The following STT3B variants were observed in gnomAD, a reference collection of about 807,000 sequenced individuals.
STT3B encodes the protein dolichyl-diphosphooligosaccharide--protein glycosyltransferase subunit STT3B.
Under a neutral mutation model 96.8 loss-of-function variants are expected in STT3B, and 29 were observed. The observed-to-expected ratio is 0.30, with a 90% CI of 0.22 to 0.41. The LOEUF is 0.41. Ranked by LOEUF, STT3B falls within the 10% of genes least tolerant of loss-of-function variation. STT3B has a pLI of 1.00. For missense variants in STT3B, 640 were observed against 1,022.3 expected (o/e 0.63, Z 5.10); for synonymous variants, 367 against 360.0 (o/e 1.02, Z -0.22).
intron 1 of STT3B, 50 bp from the exon 2 acceptor site, chr3:31,576,346 T>C: frequency 9.5e-7 from 1 of 1,054,812 alleles, no homozygotes; most frequent in Non-Finnish European, 1.4e-6. Context: ...AAGAAGGAGC[T>C]ATTTCTATTA....
intron 13 of STT3B, among the ~76,000 whole-genome samples, chr3:31,627,214 C>T (rs1012812023): frequency 3.9e-5 from 6 of 152,176 alleles, no homozygotes; most frequent in Admixed American, 2.6e-4. Flanking sequence ...CGATCATTGC[C>T]GCCTGAGCTC....
chr3:31,573,530 A>G (rs946345579), intron 1 of STT3B, among the ~76,000 whole-genome samples: 1 of 152,186 alleles, frequency 6.6e-6, no homozygotes, highest in African/African-American at 2.4e-5. Flanking sequence ...AGGATGTGAG[A>G]GAGAAGGAAC....
intron 1 of STT3B, among the ~76,000 whole-genome samples, chr3:31,540,353 A>G (rs1575403372): frequency 6.6e-6 from 1 of 152,286 alleles, no homozygotes; most frequent in East Asian, 1.9e-4. Flanking sequence ...TTAAAAGGGA[A>G]ATGTTACTGC....
chr3:31,566,968 T>C (rs1698021102), intron 1 of STT3B, among the ~76,000 whole-genome samples: 1 of 152,190 alleles, frequency 6.6e-6, no homozygotes, highest in Non-Finnish European at 1.5e-5. Flanking sequence ...CAAATCAATG[T>C]CAGATATAGA....
chr3:31,563,247 A>G (rs1697924863), intron 1 of STT3B, among the ~76,000 whole-genome samples: 1 of 152,178 alleles, frequency 6.6e-6, no homozygotes. Flanking sequence ...TATCTTCAGC[A>G]TTGATTTTTA....
At chr3:31,596,942 T>G (rs545194490) in intron 4 of STT3B, 79 bp downstream of exon 4, 1 of 1,066,176 alleles carries the variant, frequency 9.4e-7, no homozygotes, top group East Asian at 2.4e-5. Context: ...CTGAAGTCTG[T>G]AGGATTTTTA....
rs867383184 is a variant in STT3B, at chr3:31,559,100, C to T, written c.315-17296C>T. ...CTTATTGGTTTTTTTTTTTTTAAAT[C>T]TTTTCAAAAGAACCAACTTTTTGTT... On this transcript the variant is annotated intron_variant, in intron 1 of 15. Transcript: ENST00000295770. Among the ~76,000 whole-genome samples the T allele has an allele frequency of 2.5e-3, 309 of 125,810 alleles. 1 individual carries two copies. The highest frequency in any genetic ancestry group is 7.9e-3 in the African/African-American group (267 of 33,784). The allele number at this position is 125,810 out of a possible 152,430, so 82.5% of individuals were successfully genotyped here.
chr3:31,551,201 TTTTGTTTG>T (rs147580075), intron 1 of STT3B, among the ~76,000 whole-genome samples: 28 of 150,708 alleles, frequency 1.9e-4, no homozygotes, highest in African/African-American at 2.7e-4. Context: ...TTTGGGTGTT[TTTTGTTTG>T]TTTGTTTGTT....
At chr3:31,596,664 A>G (rs955689277) in intron 3 of STT3B, 134 bp from the exon 4 acceptor site, 1 of 647,168 alleles carries the variant, frequency 1.5e-6, no homozygotes, top group Non-Finnish European at 2.7e-6. Flanking sequence ...ATGTCTGCAT[A>G]TCTGAATAAC....
chr3:31,582,801 G>A (rs1301216383), intron 3 of STT3B, among the ~76,000 whole-genome samples: 2 of 151,740 alleles, frequency 1.3e-5, no homozygotes, highest in Middle Eastern at 3.4e-3. Flanking sequence ...TTGATCTGTT[G>A]GTAAGTATCT....
At chr3:31,558,714 G>T (rs1313253964) in intron 1 of STT3B, among the ~76,000 whole-genome samples, 1 of 152,074 alleles carries the variant, frequency 6.6e-6, no homozygotes, top group East Asian at 1.9e-4. Context: ...CCCTTCAGTT[G>T]TTTGGAATAG....
rs1380283260 is a variant in STT3B, at chr3:31,596,731, A to G, written c.712-67A>G. On this transcript the variant is annotated intron_variant, in intron 3 of 15. Transcript: ENST00000295770. ...TGTAGCCTGTGGTTACCAAACATTT[A>G]ACTTTTAAAAATTCCGCAAGAACAT... 10 of 1,278,122 alleles carry G rather than the reference A, an allele frequency of 7.8e-6. No individual in the cohort carries two copies. In the Middle Eastern group the frequency reaches 5.7e-4, roughly 73 times the overall value. The allele number at this position is 1,278,122 out of a possible 1,614,324, so 79.2% of individuals were successfully genotyped here. A position where few individuals can be genotyped will look rare whatever the true frequency, so the allele number is the denominator to read the frequency against.
intron 1 of STT3B, among the ~76,000 whole-genome samples, chr3:31,550,033 T>C (rs1697513211): frequency 6.6e-6 from 1 of 152,200 alleles, no homozygotes; most frequent in Non-Finnish European, 1.5e-5. Context: ...TATTTTGTTG[T>C]AATTTTTTTT....
intron 8 of STT3B, among the ~76,000 whole-genome samples, chr3:31,619,399 G>T (rs1432450785): frequency 6.6e-6 from 1 of 152,174 alleles, no homozygotes; most frequent in Admixed American, 6.5e-5. Context: ...CAAATTGCCA[G>T]TTGAACAGAG....
chr3:31,547,024 C>G (rs550886347), intron 1 of STT3B, among the ~76,000 whole-genome samples: 6 of 152,294 alleles, frequency 3.9e-5, no homozygotes, highest in South Asian at 4.1e-4. Context: ...CCTTCCCCTC[C>G]AAATAATTGA....
At chr3:31,630,567 T>C (rs1208708309) in intron 14 of STT3B, among the ~76,000 whole-genome samples, 1 of 152,242 alleles carries the variant, frequency 6.6e-6, no homozygotes, top group Non-Finnish European at 1.5e-5. Context: ...CTCTTGTTAA[T>C]CTGTCCTTTG....
At chr3:31,604,462 C>T (rs1161571972) in intron 5 of STT3B, among the ~76,000 whole-genome samples, 2 of 151,826 alleles carry the variant, frequency 1.3e-5, no homozygotes, top group African/African-American at 2.4e-5. Flanking sequence ...GAAAAGTTCC[C>T]GGATACAAGG....
chr3:31,610,677 A>G (rs997665160), intron 5 of STT3B, among the ~76,000 whole-genome samples: 5 of 152,218 alleles, frequency 3.3e-5, no homozygotes, highest in Non-Finnish European at 7.4e-5. Flanking sequence ...ACCCTTGGAT[A>G]TAAAATATTT....
chr3:31,586,215 C>T (rs747161653), intron 3 of STT3B, among the ~76,000 whole-genome samples: 10 of 152,050 alleles, frequency 6.6e-5, no homozygotes, highest in Non-Finnish European at 4.4e-5. Context: ...CATCTTTTCA[C>T]GTATTTATTT....
Sources: gnomAD v4.1 joint callset for allele counts (sites outside exome capture counted in the v4.1 genomes callset) on GRCh38, gnomAD v4.1.1 for gene constraint, MANE v1.5 for transcripts, NCBI Gene and HGNC (gene_info 2026-07-23, HGNC 2026-07-21) for gene names.